FBXO40: variants seen among roughly 807,000 people sequenced by gnomAD.
FBXO40 encodes F-box only protein 40.
FBXO40 carries 50 observed loss-of-function variants against 49.9 expected under a neutral mutation model. That is an observed-to-expected ratio of 1.00 (90% confidence interval 0.80 to 1.27). The LOEUF is 1.27. Among genes scored for constraint, FBXO40 ranks in the 50% most tolerant of loss-of-function variants. FBXO40 has a pLI of 0.00. For missense variants in FBXO40, 895 were observed against 870.1 expected, an observed-to-expected ratio of 1.03 and a Z score of -0.36; for synonymous variants, 340 against 320.2, an observed-to-expected ratio of 1.06 and a Z score of -0.66.
At position 121,621,629 on chromosome 3, in the gene FBXO40, A is replaced by C; in HGVS notation, c.200A>C (p.Asn67Thr). 3 of 1,613,832 alleles carry C rather than the reference A, an allele frequency of 1.9e-6. No homozygotes were observed. Among genetic ancestry groups the C allele is most frequent in the Non-Finnish European group, 2.5e-6 (3 of 1,179,958 alleles). ...LCPLEQVPCL[N>T]SEYGCPLSMS... ...CCTTTAGAGCAGGTTCCGTGCCTCA[A>C]CTCCGAATATGGCTGCCCTCTGTCC... Residue 67 changes from asparagine (N) to threonine (T), a missense_variant, in exon 3 of 4, where the codon AAC (asparagine) becomes ACC (threonine). Coordinates refer to ENST00000338040, the MANE Select transcript of FBXO40 (RefSeq NM_016298.4).
Position 121,626,970 on chromosome 3 carries a change from G to A in FBXO40, c.*60G>A. 2.0e-6 allele frequency: 3 copies of A among 1,533,634 alleles called. No individual in the cohort carries two copies. Among genetic ancestry groups the A allele is most frequent in the Non-Finnish European group, 2.7e-6 (3 of 1,112,304 alleles). On this transcript the variant is annotated 3_prime_UTR_variant, in exon 4 of 4. Coordinates refer to ENST00000338040, the MANE Select transcript of FBXO40 (RefSeq NM_016298.4). ...TTTCTTCTCGGAGTTCCTGAAGTAG[G>A]ACAGAGTGTGTGGTTTTGAGGACTC...
At chr3:121,607,506 T>G (rs2048938563) in intron 1 of FBXO40, among the ~76,000 whole-genome samples, 1 of 151,756 alleles carries the variant, frequency 6.6e-6, no homozygotes, top group Non-Finnish European at 1.5e-5. Context: ...AGACAGGGTT[T>G]CACTGTGTTA....
Position 121,615,946 on chromosome 3 carries a change from C to G in FBXO40, c.-30-4600C>G, listed in dbSNP as rs138074742. ...TGGTCATGTCTTATTAAATCAGAGG[C>G]CTGGTAAGCAGAGCTTCCTTTAACA... On this transcript the variant is annotated intron_variant, in intron 1 of 3. Transcript: ENST00000338040. 2.0e-5 allele frequency among the ~76,000 whole-genome samples: 3 copies of G among 152,230 alleles called. No homozygotes were observed. In the East Asian group the frequency reaches 5.8e-4, roughly 29 times the overall value.
intron 1 of FBXO40, among the ~76,000 whole-genome samples, chr3:121,617,485 C>T (rs2049004711): frequency 6.6e-6 from 1 of 151,956 alleles, no homozygotes; most frequent in Admixed American, 6.6e-5. Context: ...ATCCTAGCTA[C>T]TCGGGAGGCT....
At chr3:121,603,629 T>G (rs2048912375) in intron 1 of FBXO40, among the ~76,000 whole-genome samples, 1 of 152,242 alleles carries the variant, frequency 6.6e-6, no homozygotes. Flanking sequence ...AGACCATAAG[T>G]ATTAACCTTA....
At chr3:121,616,734 T>G (rs2048999772) in intron 1 of FBXO40, among the ~76,000 whole-genome samples, 1 of 152,188 alleles carries the variant, frequency 6.6e-6, no homozygotes. Context: ...GTGGAGGAAC[T>G]AATAAATGAA....
At chr3:121,613,875 G>A (rs2048981916) in intron 1 of FBXO40, among the ~76,000 whole-genome samples, 1 of 152,262 alleles carries the variant, frequency 6.6e-6, no homozygotes, top group Non-Finnish European at 1.5e-5. Context: ...GCTCACGCCT[G>A]TAATCCCAAC....
At chr3:121,596,933 G>T (rs2048875593) in intron 1 of FBXO40, among the ~76,000 whole-genome samples, 1 of 152,132 alleles carries the variant, frequency 6.6e-6, no homozygotes. Context: ...ACTGAGTGCT[G>T]GGGGCAGTGT....
At chr3:121,594,656 T>C (rs1266697169) in intron 1 of FBXO40, among the ~76,000 whole-genome samples, 1 of 152,124 alleles carries the variant, frequency 6.6e-6, no homozygotes, top group East Asian at 1.9e-4. Flanking sequence ...TATATACTAT[T>C]CAAACTCCGC....
chr3:121,612,071 T>G (rs2048969190), intron 1 of FBXO40, among the ~76,000 whole-genome samples: 3 of 152,216 alleles, frequency 2.0e-5, no homozygotes, highest in African/African-American at 4.8e-5. Flanking sequence ...ATAGACACAG[T>G]AACAGTCTGA....
rs186418421 is a variant in FBXO40 at position 121,610,051 on chromosome 3, G to A, written c.-30-10495G>A. Reference sequence around the variant, plus strand: ...TTATGGGTTCAGGAGCCGATTCTTGGGAACACAGGGCATTCCCTCTTCCAG... The same window carrying A: ...TTATGGGTTCAGGAGCCGATTCTTGAGAACACAGGGCATTCCCTCTTCCAG... On this transcript the variant is annotated intron_variant, in intron 1 of 3. Coordinates refer to ENST00000338040, the MANE Select transcript of FBXO40 (RefSeq NM_016298.4). Among the ~76,000 whole-genome samples the A allele has an allele frequency of 3.9e-5, 6 of 152,292 alleles. No individual in the cohort carries two copies. The East Asian group carries it at 1.2e-3, about 29-fold the overall frequency.
rs1431087253 is a variant in FBXO40 at position 121,622,914 on chromosome 3, C to T, written c.1485C>T (p.Val495=). ...RDEFPLHFKN[V]HTDIQSCLNG... ...AGTTCCCCCTGCACTTCAAGAATGTCCACACAGACATTCAGTCATGTCTCA... is the reference window on the plus strand; with the variant it reads ...AGTTCCCCCTGCACTTCAAGAATGTTCACACAGACATTCAGTCATGTCTCA... The change falls in exon 3 of 4, where the codon GTC becomes GTT. Residue 495 remains valine (V), a synonymous_variant. Transcript: ENST00000338040. The T allele has an allele frequency of 1.2e-6, 2 of 1,614,222 alleles. No homozygotes were observed. The highest frequency in any genetic ancestry group is 2.2e-5 in the East Asian group (1 of 44,886).
At chr3:121,620,414 T>C (rs1047148363) in intron 1 of FBXO40, 132 bp from the exon 2 acceptor site, 2 of 727,320 alleles carry the variant, frequency 2.7e-6, no homozygotes, top group Non-Finnish European at 4.4e-6. Context: ...GACTCAAACA[T>C]GGAGATAAAG....
At chr3:121,626,565 A>G (rs1576457409) in intron 3 of FBXO40, 130 bp from the exon 4 acceptor site, 1 of 792,294 alleles carries the variant, frequency 1.3e-6, no homozygotes, top group Non-Finnish European at 2.1e-6. Context: ...AAATGTCTGC[A>G]GGAGCCACTA....
chr3:121,597,357 G>A (rs2048877811), intron 1 of FBXO40, among the ~76,000 whole-genome samples: 1 of 152,030 alleles, frequency 6.6e-6, no homozygotes, highest in African/African-American at 2.4e-5. Flanking sequence ...GGTGATTAAA[G>A]GGGGCCGAAA....
intron 1 of FBXO40, among the ~76,000 whole-genome samples, chr3:121,619,565 T>C (rs2049018114): frequency 6.6e-6 from 1 of 152,224 alleles, no homozygotes; most frequent in Admixed American, 6.5e-5. Context: ...TTTTGCATTG[T>C]GATGAAATAT....
chr3:121,611,084 T>C (rs2048961733), intron 1 of FBXO40, among the ~76,000 whole-genome samples: 1 of 152,202 alleles, frequency 6.6e-6, no homozygotes, highest in Admixed American at 6.5e-5. Context: ...ATGCAAATCT[T>C]GCCAGGTTAA....
chr3:121,613,485 T>C (rs1553840249), intron 1 of FBXO40, among the ~76,000 whole-genome samples: 1 of 152,190 alleles, frequency 6.6e-6, no homozygotes, highest in Non-Finnish European at 1.5e-5. Flanking sequence ...AATGACATTC[T>C]GGGTCTAGAA....
At position 121,626,820 on chromosome 3, in the gene FBXO40, T is replaced by C. The variant is rs373547551; in HGVS notation, c.2040T>C (p.Leu680=). The part of the protein sequence containing the change: ...NIVEHKTDPI[L]LTSMCQPREQ... ...TAGAGCACAAAACTGACCCGATTCT[T>C]TTGACTAGCATGTGTCAGCCCCGTG... The change falls in exon 4 of 4, where the codon CTT becomes CTC. Residue 680 remains leucine (L), a synonymous_variant. Coordinates refer to ENST00000338040, the MANE Select transcript of FBXO40 (RefSeq NM_016298.4). 1 of 1,614,202 alleles carries C rather than the reference T, an allele frequency of 6.2e-7. No individual in the cohort carries two copies. Among genetic ancestry groups the C allele is most frequent in the East Asian group, 2.2e-5 (1 of 44,882 alleles).
Sources: gnomAD v4.1 joint callset for allele counts (sites outside exome capture counted in the v4.1 genomes callset) on GRCh38, gnomAD v4.1.1 for gene constraint, MANE v1.5 for transcripts, NCBI Gene and HGNC (gene_info 2026-07-23, HGNC 2026-07-21) for gene names.